COL27A1: variants seen among roughly 807,000 people sequenced by gnomAD.
The protein encoded by COL27A1 is collagen type XXVII alpha 1 chain.
A neutral mutation model predicts 251.3 loss-of-function variants in COL27A1; 106 were observed. The ratio of observed to expected loss-of-function variants is 0.42; its 90% CI spans 0.36 to 0.50. The LOEUF is 0.50. COL27A1 is among the 20% of genes least tolerant of loss of function. The pLI, the probability that COL27A1 is intolerant of heterozygous loss-of-function variation, is 0.00. For missense variants in COL27A1, 2,325 were observed against 2,522.8 expected (o/e 0.92, Z 1.68); for synonymous variants, 1,000 against 986.3 (o/e 1.01, Z -0.26).
chr9:114,203,539 A>G (rs1029980137), intron 7 of COL27A1, among the ~76,000 whole-genome samples: 8 of 152,198 alleles, frequency 5.3e-5, no homozygotes, highest in Non-Finnish European at 4.4e-5. Flanking sequence ...GGAAAAGAGT[A>G]CACGCCCCAG....
At chr9:114,218,524 A>G (rs1267499848) in intron 12 of COL27A1, 1 of 152,186 alleles carries the variant, frequency 6.6e-6, no homozygotes, top group Admixed American at 6.5e-5. Flanking sequence ...GGGACTGATA[A>G]CTTTTCCCTC....
At chr9:114,254,835 T>C (rs949612878) in intron 27 of COL27A1, among the ~76,000 whole-genome samples, 1 of 152,228 alleles carries the variant, frequency 6.6e-6, no homozygotes, top group Non-Finnish European at 1.5e-5. Context: ...GTTCCAGCTC[T>C]TAAGACTCTC....
intron 3 of COL27A1, among the ~76,000 whole-genome samples, chr9:114,176,110 G>T (rs1827418311): frequency 6.6e-6 from 1 of 152,206 alleles, no homozygotes; most frequent in Admixed American, 6.5e-5. Context: ...CCTCTTGTTA[G>T]CTGTGTGGCA....
chr9:114,249,765 C>T (rs1833396765), intron 24 of COL27A1, among the ~76,000 whole-genome samples: 1 of 152,212 alleles, frequency 6.6e-6, no homozygotes, highest in Non-Finnish European at 1.5e-5. Flanking sequence ...AAAATCCACT[C>T]ATCCCTCCAT....
In COL27A1 at chr9:114,168,783, A is replaced by T; in HGVS notation, c.1228A>T (p.Thr410Ser). The T allele has an allele frequency of 6.2e-7, 1 of 1,613,974 alleles. No homozygotes were observed. Among genetic ancestry groups the T allele is most frequent in the African/African-American group, 1.3e-5 (1 of 75,024 alleles). The change falls in exon 3 of 61, where the codon ACT becomes TCT. Residue 410 changes from threonine to serine, a missense_variant. This residue lies in a region of COL27A1 where 1,183 missense variants were observed against 1,144.1 expected (regional missense o/e 1.03). Transcript: ENST00000356083. ...ALPTQKQVPP[T>S]SRPVPARVSR... The stretch of plus-strand genomic sequence containing the variant: ...ACCCACTCAGAAGCAAGTGCCACCT[A>T]CTTCCCGTCCAGTTCCTGCCAGAGT...
chr9:114,302,449 G>A (rs980413180), intron 56 of COL27A1, among the ~76,000 whole-genome samples: 4 of 152,302 alleles, frequency 2.6e-5, no homozygotes, highest in Admixed American at 6.5e-5. Context: ...AGTTGGGGCC[G>A]GGCGCAGTGG....
chr9:114,284,382 A>G (rs1049123732), intron 40 of COL27A1, among the ~76,000 whole-genome samples: 6 of 152,234 alleles, frequency 3.9e-5, no homozygotes, highest in African/African-American at 1.4e-4. Context: ...CTGCAGGCCT[A>G]GCCAAAGCCT....
rs964494801 is a variant in COL27A1 at position 114,248,235 on chromosome 9, G to A, written c.2979+2325G>A. On this transcript the variant is annotated intron_variant, in intron 24 of 60. Transcript: ENST00000356083. ...ACAGACTGGCTGCCAGGCCCTGGCC[G>A]AGGTGCTGGGAACAGGGCATGGGTC... is the stretch of plus-strand genomic sequence containing the variant. Among the ~76,000 whole-genome samples the A allele has an allele frequency of 4.6e-5, 7 of 152,210 alleles. No individual in the cohort carries two copies. In the South Asian group the frequency reaches 1.0e-3, roughly 23 times the overall value.
chr9:114,157,083 C>CAA (rs1848170343), intron 1 of COL27A1, among the ~76,000 whole-genome samples: 1 of 123,602 alleles, frequency 8.1e-6, no homozygotes, highest in Non-Finnish European at 1.8e-5. Flanking sequence ...ACAACACACA[C>CAA]ACACACACAC....
chr9:114,227,877 G>A (rs187192119), intron 14 of COL27A1, among the ~76,000 whole-genome samples: 3 of 152,286 alleles, frequency 2.0e-5, no homozygotes, highest in East Asian at 3.9e-4. Flanking sequence ...CACAGTAGAC[G>A]GCTGCTCTGC....
In COL27A1 at chr9:114,282,548, G is replaced by A; in HGVS notation, c.3863G>A (p.Gly1288Asp). 2 of 1,531,728 alleles carry A rather than the reference G, an allele frequency of 1.3e-6. No homozygotes were observed. Among genetic ancestry groups the A allele is most frequent in the Non-Finnish European group, 1.8e-6 (2 of 1,142,716 alleles). The allele number at this position is 1,531,728 out of a possible 1,614,324, so 94.9% of individuals were successfully genotyped here. ...ACTCCAGGCCCTAAAGGGTCCCGGG[G>A]CAGCCTGGGACCAACGGTGAGGACT... ...PGTPGPKGSR[G>D]SLGPTGAPGR... is the part of the protein sequence containing the mutation. The change falls in exon 39 of 61, where the codon GGC (glycine) becomes GAC (aspartate). Residue 1288 changes from glycine to aspartate, a missense_variant. By Grantham distance (94) the Gly-to-Asp change is moderately conservative. This residue lies in a region of COL27A1 where 662 missense variants were observed against 795.3 expected (regional missense o/e 0.83). Transcript: ENST00000356083.
chr9:114,232,046 G>A (rs1489630766), intron 16 of COL27A1, among the ~76,000 whole-genome samples, 180 bp downstream of exon 16: 4 of 152,152 alleles, frequency 2.6e-5, no homozygotes, highest in African/African-American at 9.7e-5. Context: ...TGGGGCTCAG[G>A]CAGATGGTTC....
chr9:114,157,112 G>A lies in COL27A1; in HGVS notation c.62+1100G>A, dbSNP rs555705246. Among the ~76,000 whole-genome samples, 507 of 147,010 alleles carry A rather than the reference G, an allele frequency of 3.4e-3. 4 individuals carry two copies. The highest frequency in any genetic ancestry group is 0.012 in the African/African-American group (482 of 38,754). ...CACACACACACACACACATACGCGC[G>A]CGCGGCACCAGTGAGCACACTGCTG... On this transcript the variant is annotated intron_variant, in intron 1 of 60. Coordinates refer to ENST00000356083, the MANE Select transcript of COL27A1 (RefSeq NM_032888.4).
chr9:114,284,762 A>T lies in COL27A1; in HGVS notation c.3972A>T (p.Gly1324=), dbSNP rs147328458. The T allele has an allele frequency of 4.7e-4, 766 of 1,614,098 alleles. 4 individuals are homozygous for T. The African/African-American group carries it at 9.0e-3, about 19-fold the overall frequency. The change falls in exon 41 of 61, where the codon GGA becomes GGT. Residue 1324 remains glycine, a synonymous_variant. Coordinates refer to ENST00000356083, the MANE Select transcript of COL27A1 (RefSeq NM_032888.4). ...KGIVGPLGPP[G]PKGEKGEQGE... is the part of the protein sequence containing the mutation. ...TTGTGGGACCCCTTGGACCTCCTGG[A>T]CCAAAAGGCGAAAAGGTGGGTGTTT...
At chr9:114,228,342 C>T (rs1012302689) in intron 14 of COL27A1, among the ~76,000 whole-genome samples, 7 of 152,230 alleles carry the variant, frequency 4.6e-5, no homozygotes, top group African/African-American at 1.7e-4. Flanking sequence ...GAGAAAGACT[C>T]CTCCAGCAGA....
chr9:114,222,097 G>T, intron 13 of COL27A1, 126 bp from the exon 14 acceptor site: 1 of 749,178 alleles, frequency 1.3e-6, no homozygotes. Context: ...TGGAGCCTGT[G>T]GTCAGGAATA....
At chr9:114,199,808 A>AT in intron 7 of COL27A1, among the ~76,000 whole-genome samples, 1 of 152,290 alleles carries the variant, frequency 6.6e-6, no homozygotes, top group East Asian at 1.9e-4. Flanking sequence ...TGCTGACCAC[A>AT]TTCAACTCCC....
intron 7 of COL27A1, among the ~76,000 whole-genome samples, chr9:114,202,233 G>A (rs1786742193): frequency 1.3e-5 from 2 of 152,202 alleles, no homozygotes; most frequent in African/African-American, 4.8e-5. Flanking sequence ...GGGAGGTTTG[G>A]GGGCTGAAGA....
chr9:114,168,508 C>T lies in COL27A1; in HGVS notation c.953C>T (p.Ala318Val), dbSNP rs1455615706. The change falls in exon 3 of 61, where the codon GCC (alanine) becomes GTC (valine). Residue 318 changes from alanine to valine, a missense_variant. Physicochemically the swap from Ala to Val is moderately conservative, Grantham distance 64. Coordinates refer to ENST00000356083, the MANE Select transcript of COL27A1 (RefSeq NM_032888.4). ...PHQHMAVGGP[A>V]QTPLLPAKLS... is the part of the protein sequence containing the mutation. Reference sequence around the variant, plus strand: ...CAGCATATGGCGGTGGGAGGCCCAGCCCAAACCCCGCTGCTACCTGCCAAG... The same window carrying T: ...CAGCATATGGCGGTGGGAGGCCCAGTCCAAACCCCGCTGCTACCTGCCAAG... The T allele has an allele frequency of 3.1e-6, 5 of 1,613,940 alleles. No individual in the cohort carries two copies. Among genetic ancestry groups the T allele is most frequent in the Non-Finnish European group, 4.2e-6 (5 of 1,179,912 alleles).
Sources: allele counts gnomAD v4.1 joint callset (sites outside exome capture counted in the v4.1 genomes callset), GRCh38; gene constraint gnomAD v4.1.1; regional missense constraint gnomAD v4.1.1; transcripts MANE v1.5; gene names NCBI Gene and HGNC (gene_info 2026-07-23, HGNC 2026-07-21).